The following FAM161A variants were observed in gnomAD, a reference collection of about 807,000 sequenced individuals.
FAM161A encodes the protein protein FAM161A.
Under a neutral mutation model 70.9 loss-of-function variants are expected in FAM161A, and 57 were observed. The observed-to-expected ratio is 0.80, with a 90% confidence interval of 0.65 to 1.00. The LOEUF (loss-of-function observed/expected upper bound fraction) is 1.00. Ranked by LOEUF, FAM161A falls within the 50% of genes least tolerant of loss-of-function variation. FAM161A has a pLI of 0.00. For synonymous variants in FAM161A, 299 were observed against 295.7 expected (o/e 1.01, Z -0.12); for missense variants, 880 against 836.0 (o/e 1.05, Z -0.65).
At chr2:61,851,521 G>T (rs1312394707) in intron 1 of FAM161A, among the ~76,000 whole-genome samples, 1 of 152,112 alleles carries the variant, frequency 6.6e-6, no homozygotes, top group African/African-American at 2.4e-5. Flanking sequence ...TTTTAGTAGA[G>T]ACCGGGTTTT....
chr2:61,808,710 G>C, the FAM161A span, among the ~76,000 whole-genome samples: 664 of 152,234 alleles, frequency 4.4e-3, 5 homozygotes, highest in African/African-American at 0.015. Flanking sequence ...AGGAAGGCTT[G>C]GAGGAGAAAA....
chr2:61,836,927 G>A (rs2105075299), intron 4 of FAM161A: 2 of 174,550 alleles, frequency 1.1e-5, no homozygotes, highest in South Asian at 9.2e-5. Flanking sequence ...GTGCAGTGGT[G>A]CAATCATGGC....
the FAM161A span, among the ~76,000 whole-genome samples, chr2:61,804,838 G>C: frequency 7.3e-6 from 1 of 136,926 alleles, no homozygotes; most frequent in East Asian, 2.5e-4. Flanking sequence ...AAGAAAGAAG[G>C]AAGCAAGGAA....
chr2:61,834,894 G>C (rs994957832), intron 5 of FAM161A, among the ~76,000 whole-genome samples: 15 of 152,134 alleles, frequency 9.9e-5, no homozygotes, highest in Non-Finnish European at 2.2e-4. Flanking sequence ...TTGCAGTTCA[G>C]AGCTGGAGAT....
chr2:61,800,374 T>G, the FAM161A span, among the ~76,000 whole-genome samples: 1 of 152,218 alleles, frequency 6.6e-6, no homozygotes, highest in Non-Finnish European at 1.5e-5. Flanking sequence ...GGGATTTGTT[T>G]TCCCACATGG....
In FAM161A at chr2:61,840,497, C is replaced by T. The variant is rs1216539862; in HGVS notation, c.507G>A (p.Leu169=). 6.2e-7 allele frequency: 1 copy of T among 1,613,940 alleles called. No individual in the cohort carries two copies. The highest frequency in any genetic ancestry group is 8.5e-7 in the Non-Finnish European group (1 of 1,179,888). Residue 169 remains leucine (L), a synonymous_variant, in exon 3 of 7, where the codon TTG becomes TTA. Transcript: ENST00000404929. ...SEPDLGQSSS[L]YVSSSEEELP... is the part of the protein sequence containing the mutation. Reference sequence around the variant, plus strand: ...ACTCCTCTTCAGAGGAGGACACATACAAGGAGGAAGACTGGCCTAAATCAG... The same window carrying T: ...ACTCCTCTTCAGAGGAGGACACATATAAGGAGGAAGACTGGCCTAAATCAG...
At position 61,838,624 on chromosome 2, in the gene FAM161A, C is replaced by A. The variant is rs6545910; in HGVS notation, c.1665G>T (p.Leu555Phe). ...LTKQKQRMKE[L>F]QKLLTTRAKA... ...TAGCCCGGGTTGTCAGGAGTTTCTGCAATTCTTTCATTCTTTGCTTCTGTT... is the reference window on the plus strand; with the variant it reads ...TAGCCCGGGTTGTCAGGAGTTTCTGAAATTCTTTCATTCTTTGCTTCTGTT... The change falls in exon 4 of 7, where the codon TTG (leucine) becomes TTT (phenylalanine). Residue 555 changes from leucine to phenylalanine, a missense_variant. Leu to Phe is a conservative substitution (Grantham distance 22). Coordinates refer to ENST00000404929, the MANE Select transcript of FAM161A (RefSeq NM_001201543.2). The A allele has an allele frequency of 1.2e-6, 2 of 1,611,688 alleles. No homozygotes were observed. Among genetic ancestry groups the A allele is most frequent in the Non-Finnish European group, 1.7e-6 (2 of 1,179,370 alleles).
intron 4 of FAM161A, chr2:61,836,877 T>C (rs1672795100): frequency 8.8e-6 from 2 of 227,398 alleles, no homozygotes; most frequent in Admixed American, 8.0e-5. Flanking sequence ...CCTGGCCTAT[T>C]AATTTTGAGA....
Position 61,825,164 on chromosome 2 carries a change from G to A in FAM161A, c.*1291C>T, listed in dbSNP as rs1236853914. 2.3e-6 allele frequency: 1 copy of A among 442,204 alleles called. No homozygotes were observed. The highest frequency in any genetic ancestry group is 4.5e-6 in the Non-Finnish European group (1 of 223,296). 27.4% of individuals were successfully genotyped at this position (442,204 alleles called of 1,614,324 possible). On this transcript the variant is annotated 3_prime_UTR_variant, in exon 7 of 7. Coordinates refer to ENST00000404929, the MANE Select transcript of FAM161A (RefSeq NM_001201543.2). Reference sequence around the variant, plus strand: ...GCTGATTGTTTTTAGAAAAGAAAATGTCTTATGCTATATTATCTTTATGAT... The same window carrying A: ...GCTGATTGTTTTTAGAAAAGAAAATATCTTATGCTATATTATCTTTATGAT...
At chr2:61,820,255 G>T, downstream of FAM161A, 1 of 652,132 alleles carries the variant, frequency 1.5e-6, no homozygotes, top group Non-Finnish European at 2.8e-6. Context: ...CTTCACTGGA[G>T]GATCGAGCTT....
At chr2:61,835,855 C>A in intron 5 of FAM161A, 155 bp downstream of exon 5, 1 of 673,686 alleles carries the variant, frequency 1.5e-6, no homozygotes, top group Non-Finnish European at 2.7e-6. Flanking sequence ...AGCAAAATTA[C>A]TCATTGGCTG....
At chr2:61,843,390 G>A (rs1237186968) in intron 1 of FAM161A, among the ~76,000 whole-genome samples, 3 of 152,188 alleles carry the variant, frequency 2.0e-5, no homozygotes, top group Non-Finnish European at 4.4e-5. Context: ...GCCTCTCAAA[G>A]TGCTGGGATT....
At chr2:61,806,080 T>C in the FAM161A span, among the ~76,000 whole-genome samples, 1 of 151,956 alleles carries the variant, frequency 6.6e-6, no homozygotes, top group Non-Finnish European at 1.5e-5. Context: ...TAGCCGGGTG[T>C]GGTGGCACAT....
the FAM161A span, among the ~76,000 whole-genome samples, chr2:61,812,899 C>T: frequency 6.6e-6 from 1 of 151,878 alleles, no homozygotes; most frequent in East Asian, 1.9e-4. Context: ...GAAACCCCAT[C>T]TCTACTAAAA....
the FAM161A span, among the ~76,000 whole-genome samples, chr2:61,818,874 A>C: frequency 2.0e-5 from 3 of 152,246 alleles, no homozygotes; most frequent in East Asian, 3.8e-4. Flanking sequence ...TTACTTAAGC[A>C]TCAAGGGATA....
At chr2:61,803,050 G>A in the FAM161A span, 39 of 229,198 alleles carry the variant, frequency 1.7e-4, 2 homozygotes, top group South Asian at 2.5e-3. Flanking sequence ...GGCTGTCTGA[G>A]GGTAGGCCAC....
downstream of FAM161A, among the ~76,000 whole-genome samples, chr2:61,820,755 GC>G (rs2105050965): frequency 6.6e-6 from 1 of 152,270 alleles, no homozygotes; most frequent in Non-Finnish European, 1.5e-5. Flanking sequence ...ACAACTAGGG[GC>G]TAGAGAGTGG....
intron 5 of FAM161A, among the ~76,000 whole-genome samples, chr2:61,829,734 G>T (rs951732301): frequency 6.6e-6 from 1 of 152,130 alleles, no homozygotes; most frequent in African/African-American, 2.4e-5. Flanking sequence ...ATCTGACTTT[G>T]GTTTAAAATT....
At chr2:61,815,535 C>CTTTTTTTTTTTTT in the FAM161A span, among the ~76,000 whole-genome samples, 2 of 53,240 alleles carry the variant, frequency 3.8e-5, no homozygotes, top group African/African-American at 8.0e-5. Context: ...AAAGATGTGT[C>CTTTTTTTTTTTTT]TTTTTTTTTT....
Sources: gnomAD v4.1 joint callset for allele counts (sites outside exome capture counted in the v4.1 genomes callset) on GRCh38, gnomAD v4.1.1 for gene constraint, MANE v1.5 for transcripts, NCBI Gene and HGNC (gene_info 2026-07-23, HGNC 2026-07-21) for gene names.